Variants in C12orf50 observed in about 807,000 individuals in gnomAD.
The protein encoded by C12orf50 is zinc finger CCCH-type containing 11D.
C12orf50 carries 35 observed loss-of-function variants against 61.6 expected under a neutral mutation model. The ratio of observed to expected loss-of-function variants is 0.57; its 90% CI spans 0.43 to 0.75. The LOEUF (loss-of-function observed/expected upper bound fraction) is 0.75, where lower values mean the gene tolerates loss of function less well. Among genes scored for constraint, C12orf50 ranks in the 30% least tolerant of loss-of-function variants. The pLI, the probability that C12orf50 is intolerant of heterozygous loss-of-function variation, is 0.00. For missense variants in C12orf50, 475 were observed against 488.5 expected (o/e 0.97, Z 0.26); for synonymous variants, 178 against 161.5 (o/e 1.10, Z -0.77).
chr12:88,027,106 A>T, intron 1 of C12orf50, 36 bp from the exon 2 acceptor site: 1 of 1,557,950 alleles, frequency 6.4e-7, no homozygotes, highest in South Asian at 1.2e-5. Context: ...AAAGCTCAAT[A>T]TGTTGACATT....
intron 4 of C12orf50, 98 bp downstream of exon 4, chr12:87,997,937 C>G (rs2031484439): frequency 2.3e-6 from 2 of 882,188 alleles, no homozygotes; most frequent in Non-Finnish European, 3.3e-6. Flanking sequence ...CAAAATCTGC[C>G]TTATATATTA....
At chr12:87,989,470 C>T (rs2031017327) in intron 7 of C12orf50, 99 bp from the exon 8 acceptor site, 1 of 767,388 alleles carries the variant, frequency 1.3e-6, no homozygotes, top group South Asian at 1.7e-5. Context: ...TTTTGTTCAC[C>T]TTTCTTTGGA....
intron 3 of C12orf50, among the ~76,000 whole-genome samples, chr12:88,019,294 C>G (rs1298887259): frequency 6.6e-6 from 1 of 152,162 alleles, no homozygotes; most frequent in East Asian, 1.9e-4. Flanking sequence ...TCTTTCTTTG[C>G]TGCTGCCATC....
chr12:88,029,601 G>C (rs1261581160), upstream of C12orf50, among the ~76,000 whole-genome samples: 1 of 152,072 alleles, frequency 6.6e-6, no homozygotes, highest in Admixed American at 6.6e-5. Flanking sequence ...TGTTCTCGTT[G>C]AATATGGACT....
At chr12:87,995,825 G>T (rs189020009) in intron 6 of C12orf50, among the ~76,000 whole-genome samples, 1 of 152,268 alleles carries the variant, frequency 6.6e-6, no homozygotes, top group East Asian at 1.9e-4. Context: ...CTACAAAACA[G>T]ACTTGCACAA....
chr12:88,025,698 C>T (rs902217873), intron 3 of C12orf50, among the ~76,000 whole-genome samples: 2 of 152,176 alleles, frequency 1.3e-5, no homozygotes, highest in African/African-American at 4.8e-5. Flanking sequence ...GAGAGCGCAC[C>T]ACTGCACTCC....
chr12:87,994,538 G>T, intron 7 of C12orf50, 95 bp downstream of exon 7: 1 of 952,942 alleles, frequency 1.0e-6, no homozygotes, highest in Non-Finnish European at 1.6e-6. Flanking sequence ...AACATGACAT[G>T]GACAAAAAAA....
chr12:88,004,742 G>A (rs934282488), intron 3 of C12orf50, among the ~76,000 whole-genome samples: 3 of 152,254 alleles, frequency 2.0e-5, no homozygotes, highest in East Asian at 1.9e-4. Context: ...CAACATGAAC[G>A]GAGCTGGAGG....
At chr12:87,996,342 A>G (rs757898023) in intron 6 of C12orf50, 32 bp downstream of exon 6, 2 of 1,405,134 alleles carry the variant, frequency 1.4e-6, no homozygotes, top group South Asian at 2.3e-5. Flanking sequence ...TATGTTATAG[A>G]TCACTATGAA....
Position 88,014,263 on chromosome 12 carries a change from G to A in C12orf50, c.133+12225C>T, listed in dbSNP as rs969564039. Among the ~76,000 whole-genome samples, 9 of 151,838 alleles carry A rather than the reference G, an allele frequency of 5.9e-5. No homozygotes were observed. The East Asian group carries it at 7.8e-4, about 13-fold the overall frequency. On this transcript the variant is annotated intron_variant, in intron 3 of 12. Transcript: ENST00000298699. ...CATTGGAGTATACTTTAAATGTTAC[G>A]TCTGATTTTTGTGAGATACTTTTTT...
chr12:88,016,534 A>T (rs1280144014), intron 3 of C12orf50, among the ~76,000 whole-genome samples: 1 of 152,220 alleles, frequency 6.6e-6, no homozygotes, highest in Non-Finnish European at 1.5e-5. Context: ...GTAGTTCAAT[A>T]CATATTTCAG....
At chr12:87,994,603 T>G (rs1186445521) in intron 7 of C12orf50, 30 bp downstream of exon 7, 1 of 1,396,218 alleles carries the variant, frequency 7.2e-7, no homozygotes, top group South Asian at 1.2e-5. Flanking sequence ...GGTGATATAT[T>G]CAGGGTCAAT....
intron 11 of C12orf50, chr12:87,985,058 T>C (rs1397986060): frequency 6.6e-6 from 1 of 151,854 alleles, no homozygotes; most frequent in Non-Finnish European, 1.5e-5. Flanking sequence ...ATACCTACTG[T>C]GTACTCATAA....
intron 3 of C12orf50, among the ~76,000 whole-genome samples, chr12:88,015,880 C>A (rs556166335): frequency 6.6e-6 from 1 of 152,062 alleles, no homozygotes; most frequent in South Asian, 2.1e-4. Flanking sequence ...AATTCACTAG[C>A]AGGTTGAAGT....
rs752270354 is a variant in C12orf50 at position 87,986,001 on chromosome 12, T to G, written c.975A>C (p.Lys325Asn). 1 of 1,613,914 alleles carries G rather than the reference T, an allele frequency of 6.2e-7. No homozygotes were observed. Among genetic ancestry groups the G allele is most frequent in the South Asian group, 1.1e-5 (1 of 91,080 alleles). ...AGGATGCATTCTCCGCATTTCGATT[T>G]TTATTATTGCGGTGATAACTCATTT... is the stretch of plus-strand genomic sequence containing the variant. Reference protein sequence around the residue: ...QNKMSYHRNNKNRNAENASYI... With the variant: ...QNKMSYHRNNNNRNAENASYI... The change falls in exon 11 of 13, where the codon AAA becomes AAC. Residue 325 changes from lysine to asparagine, a missense_variant. By Grantham distance (94) the Lys-to-Asn change is moderately conservative. Coordinates refer to ENST00000298699, the MANE Select transcript of C12orf50 (RefSeq NM_152589.3).
intron 7 of C12orf50, among the ~76,000 whole-genome samples, chr12:87,992,145 C>T (rs572706605): frequency 6.6e-6 from 1 of 152,254 alleles, no homozygotes; most frequent in South Asian, 2.1e-4. Flanking sequence ...GTGAGGCAAC[C>T]TCAAGAGAGT....
chr12:88,015,569 A>G (rs1436058575), intron 3 of C12orf50, among the ~76,000 whole-genome samples: 1 of 152,206 alleles, frequency 6.6e-6, no homozygotes, highest in Non-Finnish European at 1.5e-5. Flanking sequence ...TCAGCAAAAT[A>G]TAAGAACTTT....
At chr12:87,986,103 A>C in intron 10 of C12orf50, 50 bp from the exon 11 acceptor site, 1 of 1,557,050 alleles carries the variant, frequency 6.4e-7, no homozygotes, top group South Asian at 1.1e-5. Flanking sequence ...CTGGTTTCAC[A>C]CCCATAAATA....
intron 3 of C12orf50, among the ~76,000 whole-genome samples, chr12:88,020,025 G>A (rs2032457360): frequency 6.6e-6 from 1 of 152,154 alleles, no homozygotes; most frequent in Admixed American, 6.5e-5. Context: ...TGCCTTACAA[G>A]AGGTCCTGAA....
Sources: allele counts gnomAD v4.1 joint callset (sites outside exome capture counted in the v4.1 genomes callset), GRCh38; gene constraint gnomAD v4.1.1; transcripts MANE v1.5; gene names NCBI Gene and HGNC (gene_info 2026-07-23, HGNC 2026-07-21).